The following AUNIP variants were observed in gnomAD, a reference collection of about 807,000 sequenced individuals.
AUNIP encodes the protein aurora kinase A- and ninein-interacting protein.
In AUNIP, 16 loss-of-function variants were observed where a neutral mutation model predicts 12.2. The ratio of observed to expected loss-of-function variants is 1.31; its 90% CI spans 0.88 to 1.99. The LOEUF (loss-of-function observed/expected upper bound fraction) is 1.99. AUNIP is among the 30% of genes most tolerant of loss of function. AUNIP has a pLI of 0.00. For missense variants in AUNIP, 411 were observed against 419.1 expected (o/e 0.98, Z 0.17); for synonymous variants, 142 against 154.8 (o/e 0.92, Z 0.61).
intron 1 of AUNIP, among the ~76,000 whole-genome samples, chr1:25,839,692 TCA>T (rs771540944): frequency 5.9e-5 from 9 of 152,054 alleles, no homozygotes; most frequent in Non-Finnish European, 1.0e-4. Context: ...AGACGAAGTC[TCA>T]CTCTTGTTGC....
At chr1:25,854,474 G>A (rs553265898) in intron 1 of AUNIP, among the ~76,000 whole-genome samples, 3 of 152,266 alleles carry the variant, frequency 2.0e-5, no homozygotes, top group African/African-American at 7.2e-5. Flanking sequence ...ACAGGTACAT[G>A]TGAAGTCCAA....
At chr1:25,858,870 G>T (rs1177728713) in intron 1 of AUNIP, among the ~76,000 whole-genome samples, 1 of 152,074 alleles carries the variant, frequency 6.6e-6, no homozygotes, top group Non-Finnish European at 1.5e-5. Flanking sequence ...CAGACCCCGG[G>T]GTGAGAATTT....
intron 1 of AUNIP, among the ~76,000 whole-genome samples, chr1:25,857,041 C>T (rs1197424039): frequency 1.5e-4 from 23 of 152,006 alleles, no homozygotes; most frequent in South Asian, 6.2e-4. Flanking sequence ...ACCTGGAGCC[C>T]GGGGGCGTTG....
At chr1:25,844,659 T>C (rs1281754194) in intron 1 of AUNIP, among the ~76,000 whole-genome samples, 1 of 152,178 alleles carries the variant, frequency 6.6e-6, no homozygotes, top group Non-Finnish European at 1.5e-5. Flanking sequence ...TGATGTAACT[T>C]CCTTTTTTCA....
In AUNIP at chr1:25,834,335, G is replaced by C. The variant is rs985973101; in HGVS notation, c.*658C>G. 2 of 984,404 alleles carry C rather than the reference G, an allele frequency of 2.0e-6. No individual in the cohort carries two copies. Among genetic ancestry groups the C allele is most frequent in the Non-Finnish European group, 2.4e-6 (2 of 829,938 alleles). The allele number at this position is 984,404 out of a possible 1,614,324, so 61.0% of individuals were successfully genotyped here. A position where few individuals can be genotyped will look rare whatever the true frequency, so the allele number is the denominator to read the frequency against. On this transcript the variant is annotated 3_prime_UTR_variant, in exon 3 of 3. Coordinates refer to ENST00000374298, the MANE Select transcript of AUNIP (RefSeq NM_024037.3). Reference sequence around the variant, plus strand: ...CAGAGATTAAAAGCTCACACATCTGGCTGGGCGCGGTGGCTTATGCCTGTA... The same window carrying C: ...CAGAGATTAAAAGCTCACACATCTGCCTGGGCGCGGTGGCTTATGCCTGTA...
rs1228082207 is a variant in AUNIP, at chr1:25,859,427, G to A, written c.-70C>T. ...CGGCGCCTCAGGGAACGCCAGAACC[G>A]CGGCCGCCGACGTTCGGATCTCGCG... is the stretch of plus-strand genomic sequence containing the variant. On this transcript the variant is annotated 5_prime_UTR_variant, in exon 1 of 3. Coordinates refer to ENST00000374298, the MANE Select transcript of AUNIP (RefSeq NM_024037.3). 6.6e-6 allele frequency: 9 copies of A among 1,369,062 alleles called. No homozygotes were observed. The highest frequency in any genetic ancestry group is 1.6e-5 in the African/African-American group (1 of 64,492). 84.8% of individuals were successfully genotyped at this position (1,369,062 alleles called of 1,614,324 possible). A position where few individuals can be genotyped will look rare whatever the true frequency, so the allele number is the denominator to read the frequency against.
chr1:25,835,115 C>T lies in AUNIP; in HGVS notation c.952G>A (p.Gly318Arg), dbSNP rs747527538. ...GCCCAAGGACTGTTAGGAAACGGCC[C>T]TAAGTCCCAATTCCAGTTATTGGTT... is the stretch of plus-strand genomic sequence containing the variant. ...DVTNNWNWDLGPFPNSPWAQC... is the reference protein window; with the variant it reads ...DVTNNWNWDLRPFPNSPWAQC... Residue 318 changes from glycine (G) to arginine (R), a missense_variant, in exon 3 of 3, where the codon GGG (glycine) becomes AGG (arginine). Transcript: ENST00000374298. 4 of 1,614,114 alleles carry T rather than the reference C, an allele frequency of 2.5e-6. No individual in the cohort carries two copies. The East Asian group carries it at 6.7e-5, about 27-fold the overall frequency.
chr1:25,849,610 T>C (rs1160442313), intron 1 of AUNIP, among the ~76,000 whole-genome samples: 1 of 152,186 alleles, frequency 6.6e-6, no homozygotes, highest in Non-Finnish European at 1.5e-5. Context: ...TAATATTCCA[T>C]TATATAGATA....
In AUNIP at chr1:25,847,725, C is replaced by A. The variant is rs1019380833; in HGVS notation, c.79-10171G>T. ...AATCCCAGCACTTTGGGAGGCACAT[C>A]ACTTGAGCTCAGGAGTTCAAAACCA... On this transcript the variant is annotated intron_variant, in intron 1 of 2. Coordinates refer to ENST00000374298, the MANE Select transcript of AUNIP (RefSeq NM_024037.3). This position sits in a 1 kb window ranked among gnomAD's most constrained non-coding sequence, Gnocchi z 4.2. 6.6e-6 allele frequency among the ~76,000 whole-genome samples: 1 copy of A among 152,038 alleles called. No individual in the cohort carries two copies. The highest frequency in any genetic ancestry group is 2.4e-5 in the African/African-American group (1 of 41,394).
chr1:25,832,091 C>T (rs760881358), downstream of AUNIP: 3 of 1,612,368 alleles, frequency 1.9e-6, no homozygotes, highest in Non-Finnish European at 2.5e-6. Flanking sequence ...GCCTTCCTCA[C>T]CGCAGATGTT....
downstream of AUNIP, among the ~76,000 whole-genome samples, chr1:25,833,316 A>T (rs986676929): frequency 1.3e-5 from 2 of 151,790 alleles, no homozygotes; most frequent in Non-Finnish European, 2.9e-5. Context: ...GGGTCTTGCT[A>T]TGTTGCCCAG....
chr1:25,849,042 G>A (rs1394118762), intron 1 of AUNIP, among the ~76,000 whole-genome samples: 1 of 152,016 alleles, frequency 6.6e-6, no homozygotes, highest in African/African-American at 2.4e-5. Flanking sequence ...ATGGTTCTGG[G>A]GACCCCCAAA....
At chr1:25,858,542 C>A (rs1246200805) in intron 1 of AUNIP, among the ~76,000 whole-genome samples, 2 of 152,208 alleles carry the variant, frequency 1.3e-5, no homozygotes, top group Non-Finnish European at 2.9e-5. Flanking sequence ...GCTCAATAAA[C>A]ATGAATGATT....
chr1:25,857,491 C>T (rs1246923059), intron 1 of AUNIP, among the ~76,000 whole-genome samples: 11 of 150,478 alleles, frequency 7.3e-5, no homozygotes, highest in South Asian at 2.1e-4. Flanking sequence ...TCAGGTGATC[C>T]GCCCGCCTCG....
At chr1:25,833,800 T>C (rs1186134057), downstream of AUNIP, among the ~76,000 whole-genome samples, 1 of 152,052 alleles carries the variant, frequency 6.6e-6, no homozygotes, top group African/African-American at 2.4e-5. Flanking sequence ...GCAGTTCTCT[T>C]ATAACCTTGC....
chr1:25,836,990 A>C (rs943197741), intron 2 of AUNIP, among the ~76,000 whole-genome samples: 8 of 152,240 alleles, frequency 5.3e-5, no homozygotes, highest in African/African-American at 1.9e-4. Context: ...TGTGAGGCTA[A>C]GAAAAAGCAT....
At position 25,835,804 on chromosome 1, in the gene AUNIP, G is replaced by C. The variant is rs762205571; in HGVS notation, c.263C>G (p.Thr88Arg). Residue 88 changes from threonine (T) to arginine (R), a missense_variant, in exon 3 of 3, where the codon ACA (threonine) becomes AGA (arginine). Transcript: ENST00000374298. ...GGACTCTTTGTTGATCTGACTTTCT[G>C]TATGAGATGAAACACTCTTCTGGTC... ...GSDQKSVSSHTESQINKESKK... is the reference protein window; with the variant it reads ...GSDQKSVSSHRESQINKESKK... The C allele has an allele frequency of 1.2e-6, 2 of 1,614,004 alleles. No individual in the cohort carries two copies. Among genetic ancestry groups the C allele is most frequent in the Admixed American group, 1.7e-5 (1 of 60,002 alleles).
intron 1 of AUNIP, among the ~76,000 whole-genome samples, chr1:25,838,827 T>C (rs932130823): frequency 1.3e-5 from 2 of 152,244 alleles, no homozygotes; most frequent in African/African-American, 2.4e-5. Context: ...TTATATTCAA[T>C]TCAATTTTGC....
chr1:25,846,525 A>G (rs1176223792), intron 1 of AUNIP, among the ~76,000 whole-genome samples: 1 of 151,772 alleles, frequency 6.6e-6, no homozygotes, highest in African/African-American at 2.4e-5. Flanking sequence ...GGAGTTCAAG[A>G]CCAGCCTGGC....
Sources: gnomAD v4.1 joint callset for allele counts (sites outside exome capture counted in the v4.1 genomes callset) on GRCh38, gnomAD v4.1.1 for gene constraint, Gnocchi (gnomAD v3.1) non-coding constraint, MANE v1.5 for transcripts, NCBI Gene and HGNC (gene_info 2026-07-23, HGNC 2026-07-21) for gene names.